Variants in FRAS1 observed in about 807,000 individuals in gnomAD.
The protein encoded by FRAS1 is Fraser extracellular matrix complex subunit 1, also known as extracellular matrix organizing protein FRAS1.
In FRAS1, 290 loss-of-function variants were observed where a neutral mutation model predicts 435.2. That is an observed-to-expected ratio of 0.67 (90% CI 0.61 to 0.73). FRAS1 has a LOEUF of 0.73. FRAS1 is among the 30% of genes least tolerant of loss of function. FRAS1 has a pLI of 0.00. For missense variants in FRAS1, 4,860 were observed against 5,001.5 expected, an observed-to-expected ratio of 0.97 and a Z score of 0.85; for synonymous variants, 1,800 against 1,851.0, an observed-to-expected ratio of 0.97 and a Z score of 0.71.
chr4:78,129,828 A>G (rs188119035), intron 2 of FRAS1, among the ~76,000 whole-genome samples: 47 of 152,130 alleles, frequency 3.1e-4, no homozygotes, highest in African/African-American at 1.1e-3. Flanking sequence ...ACCCATTCTA[A>G]TCTAGTTTCT....
At chr4:78,249,938 G>A (rs1725452772) in intron 4 of FRAS1, among the ~76,000 whole-genome samples, 1 of 152,018 alleles carries the variant, frequency 6.6e-6, no homozygotes, top group African/African-American at 2.4e-5. Context: ...GATGTTTAGA[G>A]CAGTCTTCTA....
chr4:78,142,383 GC>G (rs1720230737), intron 2 of FRAS1, among the ~76,000 whole-genome samples: 1 of 151,884 alleles, frequency 6.6e-6, no homozygotes, highest in Non-Finnish European at 1.5e-5. Context: ...ATCATCCAGA[GC>G]CTCTAATTAT....
chr4:78,141,610 T>C (rs2109998814), intron 2 of FRAS1, among the ~76,000 whole-genome samples: 1 of 152,286 alleles, frequency 6.6e-6, no homozygotes, highest in South Asian at 2.1e-4. Flanking sequence ...TGAGCATAGC[T>C]TTTAGTACAA....
chr4:78,517,860 A>G (rs1435621245), intron 66 of FRAS1, among the ~76,000 whole-genome samples: 1 of 152,214 alleles, frequency 6.6e-6, no homozygotes, highest in Non-Finnish European at 1.5e-5. Context: ...TGAAGTTCTG[A>G]TAGTGTGATT....
intron 70 of FRAS1, among the ~76,000 whole-genome samples, chr4:78,529,884 T>C (rs1227854792): frequency 6.6e-6 from 1 of 152,204 alleles, no homozygotes; most frequent in Non-Finnish European, 1.5e-5. Context: ...TTTTGTTTAA[T>C]ATTTTTGGAC....
At chr4:78,339,845 T>A (rs1730333413) in intron 20 of FRAS1, among the ~76,000 whole-genome samples, 1 of 152,120 alleles carries the variant, frequency 6.6e-6, no homozygotes, top group Non-Finnish European at 1.5e-5. Flanking sequence ...ACTAAGGGTG[T>A]CTTAAGGCAA....
At chr4:78,157,348 G>T (rs1350369943) in intron 2 of FRAS1, among the ~76,000 whole-genome samples, 1 of 152,154 alleles carries the variant, frequency 6.6e-6, no homozygotes, top group African/African-American at 2.4e-5. Context: ...TGCAGTAATG[G>T]GATTGCTGGG....
intron 33 of FRAS1, among the ~76,000 whole-genome samples, chr4:78,420,293 C>T (rs1440598357): frequency 6.6e-6 from 1 of 152,226 alleles, no homozygotes; most frequent in African/African-American, 2.4e-5. Flanking sequence ...CCTTTGTAAT[C>T]TGCTAAGTCA....
intron 2 of FRAS1, among the ~76,000 whole-genome samples, chr4:78,124,101 G>A (rs1389061074): frequency 6.6e-6 from 1 of 152,158 alleles, no homozygotes; most frequent in Non-Finnish European, 1.5e-5. Context: ...TATGATATTG[G>A]CTGTAGGTTT....
At chr4:78,469,398 A>G (rs1476774159) in intron 50 of FRAS1, among the ~76,000 whole-genome samples, 1 of 152,204 alleles carries the variant, frequency 6.6e-6, no homozygotes, top group Non-Finnish European at 1.5e-5. Flanking sequence ...CGCTATTACC[A>G]CAAATGCTTT....
intron 2 of FRAS1, among the ~76,000 whole-genome samples, chr4:78,191,608 G>A (rs1366126732): frequency 1.3e-5 from 2 of 150,056 alleles, no homozygotes; most frequent in Non-Finnish European, 3.0e-5. Flanking sequence ...TGTTACACAT[G>A]TATACATGTG....
At chr4:78,256,717 T>C (rs1404219254) in intron 6 of FRAS1, among the ~76,000 whole-genome samples, 6 of 152,178 alleles carry the variant, frequency 3.9e-5, no homozygotes, top group Admixed American at 3.3e-4. Context: ...AAAGATGAAA[T>C]TTGGTACCAT....
chr4:78,185,018 G>A (rs1241882813), intron 2 of FRAS1, among the ~76,000 whole-genome samples: 3 of 152,176 alleles, frequency 2.0e-5, no homozygotes, highest in African/African-American at 7.2e-5. Context: ...GGCCTAGTAA[G>A]TGGTGCCCTT....
chr4:78,345,216 G>T (rs1295558619), intron 20 of FRAS1, among the ~76,000 whole-genome samples: 1 of 152,136 alleles, frequency 6.6e-6, no homozygotes, highest in Non-Finnish European at 1.5e-5. Flanking sequence ...AATTTTCAAA[G>T]CATTTTCTTA....
At chr4:78,405,425 C>T (rs1376816935) in intron 30 of FRAS1, among the ~76,000 whole-genome samples, 1 of 152,000 alleles carries the variant, frequency 6.6e-6, no homozygotes, top group Non-Finnish European at 1.5e-5. Flanking sequence ...TACTTGAGTA[C>T]AAATAAGTTA....
chr4:78,541,766 A>T lies in FRAS1; in HGVS notation c.*642A>T, dbSNP rs1255229741. ...AAACCACGGGAGCCTCTGCCTCCTC[A>T]GCCACAGAGAACTCCCTCCTACAAA... On this transcript the variant is annotated 3_prime_UTR_variant, in exon 74 of 74. Transcript: ENST00000512123. 1.3e-5 allele frequency: 2 copies of T among 152,200 alleles called. No homozygotes were observed. Among genetic ancestry groups the T allele is most frequent in the African/African-American group, 4.8e-5 (2 of 41,440 alleles). The allele number at this position is 152,200 out of a possible 1,614,324, so 9.4% of individuals were successfully genotyped here.
chr4:78,522,945 T>TAGCACCACTACTCCCAGCTGA, intron 69 of FRAS1, 137 bp downstream of exon 69: 1 of 833,876 alleles, frequency 1.2e-6, no homozygotes, highest in Non-Finnish European at 1.7e-6. Context: ...AACCCTCAGC[T>TAGCACCACTACTCCCAGCTGA]GGGAGTAGTG....
At position 78,379,886 on chromosome 4, in the gene FRAS1, A is replaced by G. The variant is rs1464120410; in HGVS notation, c.3453A>G (p.Leu1151=). 3 of 1,613,836 alleles carry G rather than the reference A, an allele frequency of 1.9e-6. No individual in the cohort carries two copies. The highest frequency in any genetic ancestry group is 2.5e-6 in the Non-Finnish European group (3 of 1,179,870). ...HVVSTPTNGQ[L]VLSRNGKEVQ... ...TGAGCACTCCCACCAATGGTCAGCT[A>G]GTGCTCTCAAGAAATGGAAAAGAGG... is the stretch of plus-strand genomic sequence containing the variant. Residue 1151 remains leucine (L), a synonymous_variant, in exon 27 of 74, where the codon CTA becomes CTG. Transcript: ENST00000512123.
chr4:78,308,593 C>T (rs952946260), intron 15 of FRAS1, among the ~76,000 whole-genome samples: 5 of 152,230 alleles, frequency 3.3e-5, no homozygotes, highest in African/African-American at 1.2e-4. Context: ...GACAAAGAGA[C>T]TATTAGGCCA....
Sources: gnomAD v4.1 joint callset for allele counts (sites outside exome capture counted in the v4.1 genomes callset) on GRCh38, gnomAD v4.1.1 for gene constraint, MANE v1.5 for transcripts, NCBI Gene and HGNC (gene_info 2026-07-23, HGNC 2026-07-21) for gene names.